FA2H: variants seen among roughly 807,000 people sequenced by gnomAD.
FA2H encodes the protein fatty acid alpha-hydroxylase.
Under a neutral mutation model 44.9 loss-of-function variants are expected in FA2H, and 22 were observed. The observed-to-expected ratio is 0.49, with a 90% CI of 0.35 to 0.70. The LOEUF is 0.70. FA2H is among the 30% of genes least tolerant of loss of function. The pLI, the probability that FA2H is intolerant of heterozygous loss-of-function variation, is 0.01. For synonymous variants in FA2H, 243 were observed against 213.2 expected, an observed-to-expected ratio of 1.14 and a Z score of -1.22; for missense variants, 501 against 504.9, an observed-to-expected ratio of 0.99 and a Z score of 0.07.
intron 1 of FA2H, among the ~76,000 whole-genome samples, chr16:74,759,105 A>G (rs1962663331): frequency 1.3e-5 from 2 of 152,338 alleles, no homozygotes; most frequent in East Asian, 1.9e-4. Flanking sequence ...AGTCTGGGAC[A>G]TTCTTTATAC....
intron 1 of FA2H, among the ~76,000 whole-genome samples, chr16:74,744,448 G>GC (rs1962376890): frequency 7.1e-6 from 1 of 140,334 alleles, no homozygotes; most frequent in African/African-American, 2.7e-5. Flanking sequence ...TCCAGATGAT[G>GC]CCTTTTTTTT....
intron 2 of FA2H, among the ~76,000 whole-genome samples, chr16:74,735,992 A>T (rs950832405): frequency 1.3e-5 from 2 of 152,158 alleles, no homozygotes; most frequent in East Asian, 1.9e-4. Context: ...CTAAAAAAAT[A>T]AAAAAGATAG....
At chr16:74,739,468 A>G (rs1275965541) in intron 2 of FA2H, among the ~76,000 whole-genome samples, 1 of 151,802 alleles carries the variant, frequency 6.6e-6, no homozygotes, top group Non-Finnish European at 1.5e-5. Context: ...TCACCAGTCT[A>G]TGGGGTCTGC....
chr16:74,725,396 T>G (rs1455769656), intron 4 of FA2H, among the ~76,000 whole-genome samples: 2 of 152,196 alleles, frequency 1.3e-5, no homozygotes, highest in Admixed American at 1.3e-4. Flanking sequence ...GTAGGCAAGA[T>G]GCTTGTGGGG....
intron 2 of FA2H, among the ~76,000 whole-genome samples, chr16:74,739,574 C>T (rs1962251412): frequency 6.6e-6 from 1 of 152,214 alleles, no homozygotes; most frequent in African/African-American, 2.4e-5. Context: ...AGGATGGCTT[C>T]AGCGCTGTCT....
intron 2 of FA2H, among the ~76,000 whole-genome samples, chr16:74,728,269 A>G (rs1961998353): frequency 6.6e-6 from 1 of 152,246 alleles, no homozygotes; most frequent in Admixed American, 6.5e-5. Flanking sequence ...TCAAAAATAA[A>G]AAAATAATAA....
At position 74,713,270 on chromosome 16, in the gene FA2H, A is replaced by G. The variant is rs1369312052; in HGVS notation, c.*920T>C. On this transcript the variant is annotated 3_prime_UTR_variant, in exon 7 of 7. Transcript: ENST00000219368. ...CTTGGTCTGGGACCAGACTAAGAACATGTATCTGGTTTATAAATAAGACCG... is the reference window on the plus strand; with the variant it reads ...CTTGGTCTGGGACCAGACTAAGAACGTGTATCTGGTTTATAAATAAGACCG... 6.6e-6 allele frequency: 1 copy of G among 152,668 alleles called. No individual in the cohort carries two copies. Among genetic ancestry groups the G allele is most frequent in the Non-Finnish European group, 1.5e-5 (1 of 68,044 alleles). 9.5% of individuals were successfully genotyped at this position (152,668 alleles called of 1,614,324 possible).
At chr16:74,772,167 A>G (rs1281268743) in intron 1 of FA2H, among the ~76,000 whole-genome samples, 2 of 152,076 alleles carry the variant, frequency 1.3e-5, no homozygotes, top group Non-Finnish European at 2.9e-5. Context: ...GTCTTTGCCC[A>G]TCAGCCTCTG....
intron 2 of FA2H, among the ~76,000 whole-genome samples, chr16:74,738,254 T>A (rs1436075330): frequency 6.6e-6 from 1 of 152,118 alleles, no homozygotes. Flanking sequence ...TGAGTCAGGC[T>A]GCTTGGACAG....
chr16:74,744,572 C>T (rs1231453046), intron 1 of FA2H, among the ~76,000 whole-genome samples: 2 of 151,794 alleles, frequency 1.3e-5, no homozygotes, highest in East Asian at 1.9e-4. Flanking sequence ...ACACCTCAGC[C>T]TCCCAAGTAG....
chr16:74,724,230 TGGACGTAC>T (rs1437086639), intron 4 of FA2H, among the ~76,000 whole-genome samples: 1 of 152,172 alleles, frequency 6.6e-6, no homozygotes, highest in Non-Finnish European at 1.5e-5. Context: ...AGGAAAGGAC[TGGACGTAC>T]GGGAGCACTC....
intron 1 of FA2H, among the ~76,000 whole-genome samples, chr16:74,753,654 C>T (rs12930223): frequency 6.6e-6 from 1 of 151,956 alleles, no homozygotes; most frequent in South Asian, 2.1e-4. Flanking sequence ...GCCTGGGTGA[C>T]AGAGCGAGAC....
At chr16:74,720,616 A>G (rs1406437092) in intron 4 of FA2H, among the ~76,000 whole-genome samples, 2 of 152,174 alleles carry the variant, frequency 1.3e-5, no homozygotes, top group African/African-American at 4.8e-5. Flanking sequence ...TCCAAATAAA[A>G]TATATAATTC....
In FA2H at chr16:74,774,813, G is replaced by A. The variant is rs1355387192; in HGVS notation, c.-58C>T. 1 of 1,253,998 alleles carries A rather than the reference G, an allele frequency of 8.0e-7. No homozygotes were observed. The highest frequency in any genetic ancestry group is 1.0e-6 in the Non-Finnish European group (1 of 1,003,072). 77.7% of individuals were successfully genotyped at this position (1,253,998 alleles called of 1,614,324 possible). ...GGCGTCTGCTCTGCTGCCACCCTGA[G>A]CGCCTCTAACATCCCGGGAGCCCCG... On this transcript the variant is annotated 5_prime_UTR_variant, in exon 1 of 7. Transcript: ENST00000219368.
intron 1 of FA2H, among the ~76,000 whole-genome samples, chr16:74,755,586 T>G (rs1207623298): frequency 6.6e-6 from 1 of 152,242 alleles, no homozygotes; most frequent in East Asian, 1.9e-4. Context: ...AGAACACGTC[T>G]GTGAATGATT....
At chr16:74,771,509 T>C (rs1435384255) in intron 1 of FA2H, among the ~76,000 whole-genome samples, 2 of 152,050 alleles carry the variant, frequency 1.3e-5, no homozygotes, top group African/African-American at 4.8e-5. Flanking sequence ...TAATTTTTTG[T>C]ATTTTTAGTA....
At chr16:74,751,188 G>A (rs1280939120) in intron 1 of FA2H, among the ~76,000 whole-genome samples, 2 of 152,064 alleles carry the variant, frequency 1.3e-5, no homozygotes, top group Admixed American at 6.5e-5. Context: ...TCTGCCTCCC[G>A]GGTTCAAGCG....
chr16:74,714,347 T>C (rs1339302593), intron 6 of FA2H, 78 bp from the exon 7 acceptor site: 2 of 906,748 alleles, frequency 2.2e-6, no homozygotes, highest in Non-Finnish European at 3.6e-6. Flanking sequence ...GGTGCCAGGG[T>C]AGGGATAAGA....
Position 74,716,476 on chromosome 16 carries a change from C to T in FA2H, c.910G>A (p.Gly304Ser), listed in dbSNP as rs1567632441. The part of the protein sequence containing the change: ...EAVGGTVFAG[G>S]LLGYVLYDMT... ...TCATAGAGGACGTAGCCCAGGAGGC[C>T]CCCCGCAAACACAGTGCCCCCTACT... Residue 304 changes from glycine (G) to serine (S), a missense_variant, in exon 6 of 7, where the codon GGC becomes AGC. By Grantham distance (56) the Gly-to-Ser change is moderately conservative. Coordinates refer to ENST00000219368, the MANE Select transcript of FA2H (RefSeq NM_024306.5). 1 of 1,613,826 alleles carries T rather than the reference C, an allele frequency of 6.2e-7. No individual in the cohort carries two copies. Among genetic ancestry groups the T allele is most frequent in the Non-Finnish European group, 8.5e-7 (1 of 1,179,964 alleles).
Sources: gnomAD v4.1 joint callset for allele counts (sites outside exome capture counted in the v4.1 genomes callset) on GRCh38, gnomAD v4.1.1 for gene constraint, MANE v1.5 for transcripts, NCBI Gene and HGNC (gene_info 2026-07-23, HGNC 2026-07-21) for gene names.